Variants in SBK1 observed in about 807,000 individuals in gnomAD.
SBK1 encodes serine/threonine-protein kinase SBK1.
Under a neutral mutation model 24.4 loss-of-function variants are expected in SBK1, and 11 were observed. The observed-to-expected ratio is 0.45, with a 90% confidence interval of 0.28 to 0.75. The LOEUF is 0.75. Among genes scored for constraint, SBK1 ranks in the 30% least tolerant of loss-of-function variants. SBK1 has a pLI of 0.12. For missense variants in SBK1, 467 were observed against 620.5 expected, an observed-to-expected ratio of 0.75 and a Z score of 2.63; for synonymous variants, 308 against 284.4, an observed-to-expected ratio of 1.08 and a Z score of -0.83.
chr16:28,266,739 T>C (rs1345122004), intron 1 of SBK1, among the ~76,000 whole-genome samples: 7 of 148,014 alleles, frequency 4.7e-5, no homozygotes, highest in East Asian at 3.9e-4. Context: ...TTTTCTTTTT[T>C]TTTTTTTTTA....
chr16:28,308,433 G>A (rs2044731213), intron 1 of SBK1, among the ~76,000 whole-genome samples: 1 of 139,234 alleles, frequency 7.2e-6, no homozygotes, highest in Admixed American at 7.4e-5. Flanking sequence ...TTACAGGTGT[G>A]AGCCACCATG....
Position 28,320,812 on chromosome 16 carries a change from T to G in SBK1, c.1166T>G (p.Val389Gly), listed in dbSNP as rs955557704. ...VPVPVPVPVP[V>G]PEPGLAPQGP... ...GTGCCAGTGCCCGTGCCGGTGCCTGTGCCCGAGCCCGGCCTAGCTCCCCAG... is the reference window on the plus strand; with the variant it reads ...GTGCCAGTGCCCGTGCCGGTGCCTGGGCCCGAGCCCGGCCTAGCTCCCCAG... Residue 389 changes from valine to glycine, a missense_variant, in exon 4 of 4, where the codon GTG becomes GGG. Val to Gly is a moderately radical substitution (Grantham distance 109). Transcript: ENST00000341901. The surrounding 1 kb of genome is among the most constrained non-coding windows in gnomAD (Gnocchi z 8.5). 4.8e-6 allele frequency: 7 copies of G among 1,447,172 alleles called. No homozygotes were observed. The African/African-American group carries it at 1.1e-4, about 22-fold the overall frequency. 89.6% of individuals were successfully genotyped at this position (1,447,172 alleles called of 1,614,324 possible). A position where few individuals can be genotyped will look rare whatever the true frequency, so the allele number is the denominator to read the frequency against.
intron 1 of SBK1, among the ~76,000 whole-genome samples, chr16:28,274,364 C>T (rs997196916): frequency 2.0e-5 from 3 of 152,104 alleles, no homozygotes; most frequent in Non-Finnish European, 4.4e-5. Flanking sequence ...ACGCGTTCTG[C>T]TCAGGCCAGG....
chr16:28,274,706 CT>C (rs1597011736), intron 1 of SBK1, among the ~76,000 whole-genome samples: 2 of 151,974 alleles, frequency 1.3e-5, no homozygotes, highest in East Asian at 3.9e-4. Context: ...TAAAACTACT[CT>C]AAAATATAAA....
intron 1 of SBK1, among the ~76,000 whole-genome samples, chr16:28,276,446 G>T (rs985618080): frequency 6.6e-6 from 1 of 152,156 alleles, no homozygotes; most frequent in Admixed American, 6.5e-5. Flanking sequence ...TGGCAGCTGC[G>T]GGGTGACCCT....
intron 1 of SBK1, among the ~76,000 whole-genome samples, chr16:28,263,822 G>C (rs1255941216): frequency 6.6e-6 from 1 of 152,142 alleles, no homozygotes; most frequent in Non-Finnish European, 1.5e-5. Flanking sequence ...GTAAGAAAGT[G>C]CTTTCTGAAC....
chr16:28,265,311 C>T (rs2044421524), intron 1 of SBK1, among the ~76,000 whole-genome samples: 1 of 151,804 alleles, frequency 6.6e-6, no homozygotes, highest in South Asian at 2.1e-4. Flanking sequence ...TCCAGCTACT[C>T]AGGAGGTTGA....
intron 1 of SBK1, among the ~76,000 whole-genome samples, chr16:28,293,594 C>T (rs1323948489): frequency 6.6e-6 from 1 of 151,920 alleles, no homozygotes; most frequent in Non-Finnish European, 1.5e-5. Context: ...GGAGAGTCCC[C>T]CCCCAAAAGC....
chr16:28,278,499 GC>G (rs1318387432), intron 1 of SBK1, among the ~76,000 whole-genome samples: 2 of 152,132 alleles, frequency 1.3e-5, no homozygotes, highest in Non-Finnish European at 2.9e-5. Flanking sequence ...GTGTCACCAC[GC>G]CTGAGAAATT....
chr16:28,274,424 C>T (rs2044484308), intron 1 of SBK1, among the ~76,000 whole-genome samples: 1 of 152,004 alleles, frequency 6.6e-6, no homozygotes, highest in African/African-American at 2.4e-5. Flanking sequence ...CCGAGGAAGG[C>T]AGAGCACCCG....
chr16:28,259,505 C>G lies in SBK1; in HGVS notation c.257+3C>G. The G allele has an allele frequency of 1.0e-6, 1 of 978,570 alleles. No individual in the cohort carries two copies. Among genetic ancestry groups the G allele is most frequent in the Non-Finnish European group, 1.2e-6 (1 of 823,610 alleles). The allele number at this position is 978,570 out of a possible 1,614,324, so 60.6% of individuals were successfully genotyped here. On this transcript the variant is annotated splice_donor_region_variant and intron_variant, in intron 1 of 3. Transcript: ENST00000671413. The surrounding 1 kb of genome is among the most constrained non-coding windows in gnomAD (Gnocchi z 6.0). ...CTGGAAGAAGTCCCATTGCGGAGGTCAGTGCTCGTGGGTGGCCAGTGGGTG... is the reference window on the plus strand; with the variant it reads ...CTGGAAGAAGTCCCATTGCGGAGGTGAGTGCTCGTGGGTGGCCAGTGGGTG...
At chr16:28,313,597 T>TAAAA (rs61145714) in intron 1 of SBK1, among the ~76,000 whole-genome samples, 2 of 134,932 alleles carry the variant, frequency 1.5e-5, no homozygotes, top group East Asian at 2.2e-4. Flanking sequence ...TACCCTGTCT[T>TAAAA]AAAAAAAAAA....
At chr16:28,270,832 CTTATTTATTTATTTATTTATTTATTTAT>C (rs199763829) in intron 1 of SBK1, among the ~76,000 whole-genome samples, 1 of 147,644 alleles carries the variant, frequency 6.8e-6, no homozygotes, top group Non-Finnish European at 1.5e-5. Flanking sequence ...TGCACCCTTT[CTTATTTATTTATTTATTTATTTATTTAT>C]TTATTTATTT....
upstream of SBK1, among the ~76,000 whole-genome samples, chr16:28,289,276 G>C (rs550139475): frequency 2.0e-5 from 3 of 152,256 alleles, no homozygotes; most frequent in South Asian, 2.1e-4. Flanking sequence ...GTTTATTTAC[G>C]GCACTAAGGC....
intron 1 of SBK1, among the ~76,000 whole-genome samples, chr16:28,266,690 G>A (rs1407587919): frequency 1.3e-5 from 2 of 150,342 alleles, no homozygotes; most frequent in Non-Finnish European, 3.0e-5. Flanking sequence ...CAGCAAGGTA[G>A]CATCTCTCTG....
intron 1 of SBK1, among the ~76,000 whole-genome samples, chr16:28,270,336 A>C (rs759066022): frequency 1.3e-4 from 20 of 152,086 alleles, no homozygotes; most frequent in Non-Finnish European, 2.5e-4. Flanking sequence ...CTGGAATTAC[A>C]GGCGTGAGCC....
At chr16:28,281,971 C>G (rs181940701) in intron 1 of SBK1, among the ~76,000 whole-genome samples, 1 of 152,196 alleles carries the variant, frequency 6.6e-6, no homozygotes, top group African/African-American at 2.4e-5. Flanking sequence ...TCCTGTTCCT[C>G]CTCTGAGGGT....
chr16:28,314,396 A>T (rs546452697), intron 1 of SBK1, among the ~76,000 whole-genome samples: 4 of 149,230 alleles, frequency 2.7e-5, no homozygotes, highest in Non-Finnish European at 5.9e-5. Flanking sequence ...GCCTCAAGCA[A>T]TCCTCTCACC....
At position 28,320,463 on chromosome 16, in the gene SBK1, C is replaced by A. The variant is rs748701315; in HGVS notation, c.817C>A (p.Arg273Ser). 6.3e-7 allele frequency: 1 copy of A among 1,575,380 alleles called. No homozygotes were observed. The highest frequency in any genetic ancestry group is 8.6e-7 in the Non-Finnish European group (1 of 1,167,894). Residue 273 changes from arginine (R) to serine (S), a missense_variant, in exon 4 of 4, where the codon CGC becomes AGC. Arg to Ser is a moderately radical substitution (Grantham distance 110). Transcript: ENST00000341901. The surrounding 1 kb of genome is among the most constrained non-coding windows in gnomAD (Gnocchi z 8.5). ...FEEFVRWQRG[R>S]LPGLPSQWRR... The stretch of plus-strand genomic sequence containing the variant: ...GGAGTTCGTGCGCTGGCAGCGGGGC[C>A]GCCTGCCGGGGCTGCCTTCGCAGTG...
Sources: allele counts gnomAD v4.1 joint callset (sites outside exome capture counted in the v4.1 genomes callset), GRCh38; gene constraint gnomAD v4.1.1; non-coding constraint Gnocchi (gnomAD v3.1); transcripts MANE v1.5; gene names NCBI Gene and HGNC (gene_info 2026-07-23, HGNC 2026-07-21).